CFAP43: variants seen among roughly 807,000 people sequenced by gnomAD.
CFAP43 encodes the protein cilia- and flagella-associated protein 43.
CFAP43 carries 155 observed loss-of-function variants against 218.9 expected under a neutral mutation model. The ratio of observed to expected loss-of-function variants is 0.71; its 90% CI spans 0.62 to 0.81. The LOEUF is 0.81. Ranked by LOEUF, CFAP43 falls within the 30% of genes least tolerant of loss-of-function variation. The pLI, the probability that CFAP43 is intolerant of heterozygous loss-of-function variation, is 0.00. For missense variants in CFAP43, 1,778 were observed against 1,954.3 expected, an observed-to-expected ratio of 0.91 and a Z score of 1.70; for synonymous variants, 645 against 681.3, an observed-to-expected ratio of 0.95 and a Z score of 0.83.
At chr10:104,130,998 C>CAAAA (rs1163188252) in intron 37 of CFAP43, among the ~76,000 whole-genome samples, 14 of 56,694 alleles carry the variant, frequency 2.5e-4, no homozygotes, top group East Asian at 1.1e-3. Flanking sequence ...CACCCTGTCT[C>CAAAA]AAAAAAAAAA....
intron 3 of CFAP43, among the ~76,000 whole-genome samples, chr10:104,214,738 A>G (rs1335766483): frequency 6.6e-6 from 1 of 152,252 alleles, no homozygotes; most frequent in Non-Finnish European, 1.5e-5. Context: ...ATTTGCTACA[A>G]AACAAGTGTA....
rs535753535 is a variant in CFAP43, at chr10:104,197,802, T to C, written c.1212+120A>G. On this transcript the variant is annotated intron_variant, in intron 9 of 37. Coordinates refer to ENST00000357060, the MANE Select transcript of CFAP43 (RefSeq NM_025145.7). Reference sequence around the variant, plus strand: ...GTCTTCAAGGACAGCCTCTGCCTCCTGTTCGCATTGCTTTGCCCATGAACT... The same window carrying C: ...GTCTTCAAGGACAGCCTCTGCCTCCCGTTCGCATTGCTTTGCCCATGAACT... 233 of 667,258 alleles carry C rather than the reference T, an allele frequency of 3.5e-4. 1 individual carries two copies. The highest frequency in any genetic ancestry group is 5.5e-4 in the Non-Finnish European group (210 of 379,914). The allele number at this position is 667,258 out of a possible 1,614,324, so 41.3% of individuals were successfully genotyped here. A position where few individuals can be genotyped will look rare whatever the true frequency, so the allele number is the denominator to read the frequency against.
chr10:104,161,873 C>T (rs1452493655), intron 26 of CFAP43, 88 bp downstream of exon 26: 4 of 1,259,764 alleles, frequency 3.2e-6, no homozygotes, highest in South Asian at 1.4e-5. Flanking sequence ...ACTTCTAAAA[C>T]CCAGGTTTAT....
Position 104,192,225 on chromosome 10 carries a change from C to T in CFAP43, c.1520G>A (p.Ser507Asn). ...TGTGAATCCAATAATCTGAAATGAG[C>T]TTGAGGAGTTGGCATTGATAATAAA... ...KVFIINANSSSSFQIIGFTEV... is the reference protein window; with the variant it reads ...KVFIINANSSNSFQIIGFTEV... Residue 507 changes from serine to asparagine, a missense_variant, in exon 12 of 38, where the codon AGC (serine) becomes AAC (asparagine). Around this residue, in one of 3 missense-constraint regions of CFAP43, gnomAD observed 1,553 missense variants for 1,685.2 expected, o/e 0.92. Coordinates refer to ENST00000357060, the MANE Select transcript of CFAP43 (RefSeq NM_025145.7). 6.2e-7 allele frequency: 1 copy of T among 1,612,144 alleles called. No homozygotes were observed. Among genetic ancestry groups the T allele is most frequent in the Non-Finnish European group, 8.5e-7 (1 of 1,179,148 alleles).
chr10:104,202,831 T>A (rs185021052), intron 8 of CFAP43, among the ~76,000 whole-genome samples: 14,795 of 150,270 alleles, frequency 0.098, 1,251 homozygotes, highest in African/African-American at 0.24. Context: ...TTTTTTTTTT[T>A]AAAAAAAACT....
chr10:104,205,678 AGATATTAG>A (rs1564797147), intron 7 of CFAP43, among the ~76,000 whole-genome samples: 1 of 152,208 alleles, frequency 6.6e-6, no homozygotes, highest in Non-Finnish European at 1.5e-5. Flanking sequence ...ATTGGGTTAC[AGATATTAG>A]GTATTTTTTC....
rs1389917850 is a variant in CFAP43, at chr10:104,207,651, G to C, written c.895+14C>G. The C allele has an allele frequency of 2.9e-5, 47 of 1,607,786 alleles. No homozygotes were observed. Among genetic ancestry groups the C allele is most frequent in the Middle Eastern group, 3.3e-4 (2 of 6,052 alleles). ...CATGGCTATACAGGAATATGAAGTA[G>C]GACAGTTTCTTACCCAATGGCGATT... is the stretch of plus-strand genomic sequence containing the variant. On this transcript the variant is annotated intron_variant, in intron 6 of 37. Coordinates refer to ENST00000357060, the MANE Select transcript of CFAP43 (RefSeq NM_025145.7).
chr10:104,164,002 A>G, intron 24 of CFAP43, 92 bp downstream of exon 24: 1 of 1,303,832 alleles, frequency 7.7e-7, no homozygotes, highest in Non-Finnish European at 1.1e-6. Context: ...ACCCAGTACA[A>G]TCACTTCCCA....
intron 10 of CFAP43, among the ~76,000 whole-genome samples, chr10:104,194,373 G>A (rs141201939): frequency 5.9e-5 from 9 of 152,052 alleles, no homozygotes; most frequent in African/African-American, 1.9e-4. Flanking sequence ...GAAAAATAAG[G>A]AATTTAAAAG....
At chr10:104,184,991 G>T (rs766426354) in intron 16 of CFAP43, 25 bp downstream of exon 16, 9 of 1,612,170 alleles carry the variant, frequency 5.6e-6, no homozygotes, top group Admixed American at 1.7e-5. Flanking sequence ...ACTACATGGG[G>T]TTACTTACTG....
intron 36 of CFAP43, 78 bp downstream of exon 36, chr10:104,132,038 C>A: frequency 1.8e-6 from 2 of 1,132,438 alleles, no homozygotes; most frequent in South Asian, 1.7e-5. Flanking sequence ...TAGGTAAATT[C>A]ATGATTTGAA....
At chr10:104,148,550 C>T (rs1428334394) in intron 28 of CFAP43, among the ~76,000 whole-genome samples, 5 of 152,066 alleles carry the variant, frequency 3.3e-5, no homozygotes, top group Non-Finnish European at 7.4e-5. Flanking sequence ...AGATCAATTC[C>T]CTCCCTCAGG....
intron 4 of CFAP43, among the ~76,000 whole-genome samples, chr10:104,212,615 C>G (rs568275987): frequency 6.6e-6 from 1 of 152,126 alleles, no homozygotes; most frequent in African/African-American, 2.4e-5. Flanking sequence ...TAAATGTTGG[C>G]AACTAATTCA....
chr10:104,208,660 T>C (rs980955160), intron 5 of CFAP43, among the ~76,000 whole-genome samples: 4 of 152,216 alleles, frequency 2.6e-5, no homozygotes, highest in African/African-American at 9.6e-5. Flanking sequence ...AGAAATCATT[T>C]TGATCACATG....
chr10:104,162,603 C>T (rs1470047089), intron 24 of CFAP43, among the ~76,000 whole-genome samples, 200 bp from the exon 25 acceptor site: 1 of 152,014 alleles, frequency 6.6e-6, no homozygotes, highest in Non-Finnish European at 1.5e-5. Context: ...TCTCTATTAA[C>T]TCTCAAAGCT....
Position 104,130,125 on chromosome 10 carries a change from T to C in CFAP43, c.*14A>G. 1 of 1,567,458 alleles carries C rather than the reference T, an allele frequency of 6.4e-7. No individual in the cohort carries two copies. The highest frequency in any genetic ancestry group is 8.6e-7 in the Non-Finnish European group (1 of 1,161,870). On this transcript the variant is annotated 3_prime_UTR_variant, in exon 38 of 38. Transcript: ENST00000357060. ...AAATGATTGATTTGGCCTTGTGTTTTCCTGCCAGCGTTTTTACATTTGAAC... is the reference window on the plus strand; with the variant it reads ...AAATGATTGATTTGGCCTTGTGTTTCCCTGCCAGCGTTTTTACATTTGAAC...
chr10:104,151,371 A>T (rs2088248249), intron 28 of CFAP43, among the ~76,000 whole-genome samples: 1 of 152,202 alleles, frequency 6.6e-6, no homozygotes, highest in Non-Finnish European at 1.5e-5. Context: ...ACAGTGTATA[A>T]GCATTCCCTT....
At chr10:104,203,845 A>C in intron 7 of CFAP43, 42 bp from the exon 8 acceptor site, 1 of 1,543,490 alleles carries the variant, frequency 6.5e-7, no homozygotes, top group South Asian at 1.3e-5. Context: ...AGTCTTAGTC[A>C]ATGCATAGTA....
intron 12 of CFAP43, among the ~76,000 whole-genome samples, chr10:104,189,444 C>T (rs529398417): frequency 6.6e-6 from 1 of 152,358 alleles, no homozygotes; most frequent in African/African-American, 2.4e-5. Context: ...AAGTAGCTCT[C>T]TCAGGGATCA....
Sources: allele counts gnomAD v4.1 joint callset (sites outside exome capture counted in the v4.1 genomes callset), GRCh38; gene constraint gnomAD v4.1.1; regional missense constraint gnomAD v4.1.1; transcripts MANE v1.5; gene names NCBI Gene and HGNC (gene_info 2026-07-23, HGNC 2026-07-21).